RBMS3: variants seen among roughly 807,000 people sequenced by gnomAD.
RBMS3 encodes RNA-binding motif, single-stranded-interacting protein 3.
In RBMS3, 27 loss-of-function variants were observed where a neutral mutation model predicts 66.8. That is an observed-to-expected ratio of 0.40 (90% CI 0.30 to 0.56). RBMS3 has a LOEUF of 0.56. RBMS3 is among the 20% of genes least tolerant of loss of function. RBMS3 has a pLI of 0.40. For missense variants in RBMS3, 513 were observed against 549.5 expected (o/e 0.93, Z 0.66); for synonymous variants, 188 against 183.0 (o/e 1.03, Z -0.22).
chr3:29,691,569 A>G lies in RBMS3; in HGVS notation c.400-48151A>G, dbSNP rs139116214. On this transcript the variant is annotated intron_variant, in intron 4 of 14. Coordinates refer to ENST00000383767, the MANE Select transcript of RBMS3 (RefSeq NM_001003793.3). ...CTCATTTCTACTCATCTTAGAAAGA[A>G]AAGTCAAGAAGTCCCACAGAAATGC... Among the ~76,000 whole-genome samples, 211 of 152,356 alleles carry G rather than the reference A, an allele frequency of 1.4e-3. 1 individual carries two copies. Among genetic ancestry groups the G allele is most frequent in the African/African-American group, 4.9e-3 (203 of 41,588 alleles).
intron 1 of RBMS3, among the ~76,000 whole-genome samples, chr3:29,326,107 T>C (rs531865445): frequency 6.6e-6 from 1 of 152,340 alleles, no homozygotes; most frequent in East Asian, 1.9e-4. Context: ...TCTCAGGCTT[T>C]CCTTGCAGGT....
At chr3:29,899,064 T>C (rs2060193285) in intron 9 of RBMS3, among the ~76,000 whole-genome samples, 1 of 151,718 alleles carries the variant, frequency 6.6e-6, no homozygotes. Context: ...ACATTCAGCT[T>C]ATACAGGCTG....
intron 11 of RBMS3, 135 bp downstream of exon 11, chr3:29,936,331 G>GCAGCTTATTCATACTGA: frequency 1.2e-6 from 1 of 839,434 alleles, no homozygotes; most frequent in Non-Finnish European, 1.9e-6. Context: ...GTTTCAGTAT[G>GCAGCTTATTCATACTGA]AATAAGCTGC....
chr3:29,352,255 T>C (rs1447731133), intron 1 of RBMS3, among the ~76,000 whole-genome samples: 3 of 152,096 alleles, frequency 2.0e-5, no homozygotes, highest in Non-Finnish European at 4.4e-5. Context: ...CACTAATTTA[T>C]GGATAATTCA....
intron 4 of RBMS3, among the ~76,000 whole-genome samples, chr3:29,685,452 T>C (rs2051689168): frequency 6.6e-6 from 1 of 152,194 alleles, no homozygotes; most frequent in Non-Finnish European, 1.5e-5. Context: ...ATACTCAAGT[T>C]GCTATTTAAG....
At chr3:29,845,982 T>C (rs1265846755) in intron 6 of RBMS3, among the ~76,000 whole-genome samples, 2 of 152,062 alleles carry the variant, frequency 1.3e-5, no homozygotes, top group Non-Finnish European at 2.9e-5. Flanking sequence ...AGTTCAAATG[T>C]AATTAAAGCA....
chr3:29,784,408 A>G (rs183894688), intron 6 of RBMS3, among the ~76,000 whole-genome samples: 1 of 152,286 alleles, frequency 6.6e-6, no homozygotes, highest in East Asian at 1.9e-4. Context: ...AATTACATGG[A>G]TATTAAATCA....
intron 3 of RBMS3, among the ~76,000 whole-genome samples, chr3:29,585,758 A>AT (rs1037754947): frequency 6.6e-6 from 1 of 151,202 alleles, no homozygotes; most frequent in Middle Eastern, 3.2e-3. Context: ...ATTTAGTTTG[A>AT]TTTTGTAGGG....
At chr3:29,880,359 TACATA>T (rs1247650934) in intron 7 of RBMS3, among the ~76,000 whole-genome samples, 2 of 152,216 alleles carry the variant, frequency 1.3e-5, no homozygotes, top group African/African-American at 2.4e-5. Context: ...ATCACTTTTC[TACATA>T]CATGGTGTGA....
At chr3:29,630,430 C>T (rs1295487142) in intron 4 of RBMS3, among the ~76,000 whole-genome samples, 1 of 151,878 alleles carries the variant, frequency 6.6e-6, no homozygotes, top group Non-Finnish European at 1.5e-5. Flanking sequence ...GAATTGGGGA[C>T]CAACTCATTG....
chr3:29,595,397 T>TAAAAAAAAAAAAAAA (rs551487113), intron 4 of RBMS3, among the ~76,000 whole-genome samples: 2 of 99,940 alleles, frequency 2.0e-5, no homozygotes, highest in Non-Finnish European at 4.2e-5. Context: ...AGAGTCAGTC[T>TAAAAAAAAAAAAAAA]AAAAAAAAAA....
rs369739988 is a variant in RBMS3 at position 29,980,385 on chromosome 3, G to T, written c.1099-7758G>T. On this transcript the variant is annotated intron_variant, in intron 12 of 14. Coordinates refer to ENST00000383767, the MANE Select transcript of RBMS3 (RefSeq NM_001003793.3). ...AATTTGCTCGCATTCTGTAGGTCGC[G>T]TGTTCACTCTGATGATAGTTTCTTT... Among the ~76,000 whole-genome samples, 4 of 152,198 alleles carry T rather than the reference G, an allele frequency of 2.6e-5. No homozygotes were observed. In the East Asian group the frequency reaches 5.8e-4, roughly 22 times the overall value.
chr3:29,728,101 C>T (rs1376024583), intron 4 of RBMS3, among the ~76,000 whole-genome samples: 1 of 151,622 alleles, frequency 6.6e-6, no homozygotes, highest in Non-Finnish European at 1.5e-5. Context: ...TAAACTCACA[C>T]AAGAACAGAA....
intron 1 of RBMS3, among the ~76,000 whole-genome samples, chr3:29,397,375 A>G (rs2039601187): frequency 6.6e-6 from 1 of 152,178 alleles, no homozygotes; most frequent in Non-Finnish European, 1.5e-5. Context: ...TCTTCCTTAA[A>G]GTTCCAAGGT....
At chr3:29,351,932 T>C (rs907106239) in intron 1 of RBMS3, among the ~76,000 whole-genome samples, 2 of 152,066 alleles carry the variant, frequency 1.3e-5, no homozygotes, top group South Asian at 4.1e-4. Flanking sequence ...GTGTATAATT[T>C]CAGTCCAATC....
At chr3:29,894,060 A>G (rs2060065047) in intron 8 of RBMS3, among the ~76,000 whole-genome samples, 1 of 151,592 alleles carries the variant, frequency 6.6e-6, no homozygotes, top group Non-Finnish European at 1.5e-5. Flanking sequence ...TCGTCAGTTC[A>G]GGCTGCCATA....
chr3:29,465,774 T>G (rs1371574372), intron 2 of RBMS3, among the ~76,000 whole-genome samples: 1 of 152,220 alleles, frequency 6.6e-6, no homozygotes, highest in Non-Finnish European at 1.5e-5. Context: ...AAGCTATGTT[T>G]CTGTAAGTGT....
intron 4 of RBMS3, among the ~76,000 whole-genome samples, chr3:29,691,254 C>A (rs572798084): frequency 6.6e-6 from 1 of 152,260 alleles, no homozygotes; most frequent in Admixed American, 6.5e-5. Context: ...AAAGTTTTCT[C>A]TTCTATTTGT....
At chr3:29,714,099 C>A (rs889416823) in intron 4 of RBMS3, among the ~76,000 whole-genome samples, 4 of 143,248 alleles carry the variant, frequency 2.8e-5, no homozygotes, top group African/African-American at 1.0e-4. Context: ...CTATTTTTAA[C>A]AAATATTTAT....
Sources: allele counts gnomAD v4.1 joint callset (sites outside exome capture counted in the v4.1 genomes callset), GRCh38; gene constraint gnomAD v4.1.1; transcripts MANE v1.5; gene names NCBI Gene and HGNC (gene_info 2026-07-23, HGNC 2026-07-21).